The following APBB2 variants were observed in gnomAD, a reference collection of about 807,000 sequenced individuals.
APBB2 encodes Fe65-like 1.
APBB2 carries 38 observed loss-of-function variants against 82.5 expected under a neutral mutation model. The ratio of observed to expected loss-of-function variants is 0.46; its 90% confidence interval spans 0.36 to 0.60. The LOEUF (loss-of-function observed/expected upper bound fraction) is 0.60, where lower values mean the gene tolerates loss of function less well. APBB2 is among the 20% of genes least tolerant of loss of function. APBB2 has a pLI of 0.00. For missense variants in APBB2, 772 were observed against 972.3 expected (o/e 0.79, Z 2.74); for synonymous variants, 341 against 368.2 (o/e 0.93, Z 0.85).
intron 4 of APBB2, among the ~76,000 whole-genome samples, chr4:41,064,812 T>C (rs1411924665): frequency 6.6e-6 from 1 of 152,168 alleles, no homozygotes; most frequent in Non-Finnish European, 1.5e-5. Context: ...CCCTCCCTAA[T>C]ACATATTAAA....
intron 1 of APBB2, among the ~76,000 whole-genome samples, chr4:41,196,038 A>T: frequency 6.6e-6 from 1 of 151,596 alleles, no homozygotes; most frequent in Non-Finnish European, 1.5e-5. Flanking sequence ...CGGCGCCTGT[A>T]GTCCCAGCTA....
intron 12 of APBB2, among the ~76,000 whole-genome samples, chr4:40,870,076 T>A (rs775418176): frequency 1.3e-5 from 2 of 152,142 alleles, no homozygotes; most frequent in African/African-American, 2.4e-5. Flanking sequence ...GGGGAAGACA[T>A]CATTCTCTGG....
chr4:41,064,088 C>A (rs35982942), intron 4 of APBB2, among the ~76,000 whole-genome samples: 2 of 151,362 alleles, frequency 1.3e-5, no homozygotes, highest in Non-Finnish European at 2.9e-5. Flanking sequence ...ACGCCATCCT[C>A]CTGCCTCAGC....
intron 2 of APBB2, among the ~76,000 whole-genome samples, chr4:41,136,004 G>C (rs1757455412): frequency 6.6e-6 from 1 of 152,190 alleles, no homozygotes; most frequent in African/African-American, 2.4e-5. Flanking sequence ...TGTTGACTCA[G>C]TGAATGTGAC....
intron 1 of APBB2, among the ~76,000 whole-genome samples, chr4:41,179,771 C>T (rs1580664816): frequency 1.3e-5 from 2 of 152,272 alleles, no homozygotes; most frequent in East Asian, 3.9e-4. Context: ...ATATTTAACA[C>T]AGCTGGCTTT....
At chr4:41,068,297 T>C (rs935803335) in intron 3 of APBB2, among the ~76,000 whole-genome samples, 9 of 152,220 alleles carry the variant, frequency 5.9e-5, no homozygotes, top group Non-Finnish European at 1.3e-4. Flanking sequence ...TTCTCATAAC[T>C]ATCTTAGTGT....
chr4:40,967,787 T>C (rs1279261690), intron 6 of APBB2, among the ~76,000 whole-genome samples: 1 of 152,034 alleles, frequency 6.6e-6, no homozygotes, highest in Admixed American at 6.5e-5. Flanking sequence ...CGGGCAAAGG[T>C]GCAACCAGCC....
At chr4:40,943,015 G>A (rs1362551342) in intron 7 of APBB2, among the ~76,000 whole-genome samples, 1 of 152,226 alleles carries the variant, frequency 6.6e-6, no homozygotes, top group Non-Finnish European at 1.5e-5. Context: ...ACCACTGCCA[G>A]ATGCAGAGGA....
chr4:40,930,446 TGTGCGCGCGCGCGCGC>T (rs1431551474), intron 10 of APBB2, among the ~76,000 whole-genome samples: 21 of 81,380 alleles, frequency 2.6e-4, no homozygotes, highest in Admixed American at 1.6e-3. Flanking sequence ...TGTGTGTGTG[TGTGCGCGCGCGCGCGC>T]GCGCGTGCGC....
chr4:41,170,708 T>C (rs1009781842), intron 1 of APBB2, among the ~76,000 whole-genome samples: 2 of 152,014 alleles, frequency 1.3e-5, no homozygotes, highest in African/African-American at 4.8e-5. Context: ...CTGGCAAAAT[T>C]TGTATAAGGT....
intron 10 of APBB2, among the ~76,000 whole-genome samples, chr4:40,920,838 T>A (rs4470673): frequency 4.6e-5 from 7 of 151,936 alleles, no homozygotes; most frequent in Non-Finnish European, 8.8e-5. Context: ...ACCATTGCAC[T>A]CCAGCCTGGG....
Position 40,935,147 on chromosome 4 carries a change from T to C in APBB2, c.1045-8A>G. 8 of 1,513,740 alleles carry C rather than the reference T, an allele frequency of 5.3e-6. No homozygotes were observed. Among genetic ancestry groups the C allele is most frequent in the Non-Finnish European group, 7.1e-6 (8 of 1,133,150 alleles). The allele number at this position is 1,513,740 out of a possible 1,614,324, so 93.8% of individuals were successfully genotyped here. On this transcript the variant is annotated splice_region_variant and splice_polypyrimidine_tract_variant and intron_variant, in intron 7 of 17. Coordinates refer to ENST00000508593, the MANE Select transcript of APBB2 (RefSeq NM_004307.2). The stretch of plus-strand genomic sequence containing the variant: ...ATCACTCCATGGCTGTTTCTAGACA[T>C]ATAATTATTCACATAGGAAAAAAGC...
chr4:41,170,762 G>T (rs1768019584), intron 1 of APBB2, among the ~76,000 whole-genome samples: 1 of 152,106 alleles, frequency 6.6e-6, no homozygotes, highest in South Asian at 2.1e-4. Flanking sequence ...CCTGGTTTTG[G>T]TAACTGTACA....
At chr4:41,156,801 C>T (rs906679987) in intron 1 of APBB2, among the ~76,000 whole-genome samples, 17 of 152,194 alleles carry the variant, frequency 1.1e-4, no homozygotes, top group South Asian at 1.0e-3. Context: ...CACAGTGGCT[C>T]ACGCCTGTAA....
intron 12 of APBB2, among the ~76,000 whole-genome samples, chr4:40,834,277 T>C (rs1364001698): frequency 1.3e-5 from 2 of 152,188 alleles, no homozygotes; most frequent in Non-Finnish European, 2.9e-5. Flanking sequence ...CTCCTCACTG[T>C]AGAGGTCAAG....
intron 12 of APBB2, among the ~76,000 whole-genome samples, chr4:40,865,531 T>C (rs1295611575): frequency 6.6e-6 from 1 of 152,210 alleles, no homozygotes; most frequent in African/African-American, 2.4e-5. Context: ...TTTTCCAAAA[T>C]GTCATAAAAA....
chr4:41,046,366 C>A (rs1031854876), intron 4 of APBB2, among the ~76,000 whole-genome samples: 35 of 152,184 alleles, frequency 2.3e-4, no homozygotes, highest in African/African-American at 8.0e-4. Flanking sequence ...GCTCACAGAG[C>A]CTGCAATTCA....
At chr4:40,837,346 C>T (rs1339525482) in intron 12 of APBB2, among the ~76,000 whole-genome samples, 1 of 152,318 alleles carries the variant, frequency 6.6e-6, no homozygotes, top group South Asian at 2.1e-4. Flanking sequence ...GCTATCCTTC[C>T]GTTAGCACTT....
intron 2 of APBB2, among the ~76,000 whole-genome samples, chr4:41,112,140 T>A (rs542175682): frequency 6.6e-6 from 1 of 152,160 alleles, no homozygotes; most frequent in Non-Finnish European, 1.5e-5. Context: ...AAAGAAATGA[T>A]CCTTGGAGAA....
Sources: allele counts gnomAD v4.1 joint callset (sites outside exome capture counted in the v4.1 genomes callset), GRCh38; gene constraint gnomAD v4.1.1; transcripts MANE v1.5; gene names NCBI Gene and HGNC (gene_info 2026-07-23, HGNC 2026-07-21).